ABCA13: variants seen among roughly 807,000 people sequenced by gnomAD.
ABCA13 encodes the protein ATP binding cassette subfamily A member 13, also known as ATP-binding cassette sub-family A member 13.
Under a neutral mutation model 478.7 loss-of-function variants are expected in ABCA13, and 476 were observed. That is an observed-to-expected ratio of 0.99 (90% CI 0.92 to 1.07). ABCA13 has a LOEUF of 1.07. Ranked by LOEUF, ABCA13 falls within the 50% of genes least tolerant of loss-of-function variation. The pLI, the probability that ABCA13 is intolerant of heterozygous loss-of-function variation, is 0.00. For missense variants in ABCA13, 6,060 were observed against 5,910.6 expected, an observed-to-expected ratio of 1.03 and a Z score of -0.83; for synonymous variants, 2,252 against 2,158.9, an observed-to-expected ratio of 1.04 and a Z score of -1.20.
rs189929911 is a variant in ABCA13, at chr7:48,372,210, G to C, written c.10846G>C (p.Ala3616Pro). The C allele has an allele frequency of 6.2e-7, 1 of 1,613,568 alleles. No individual in the cohort carries two copies. ...MGVHPVIHFL[A>P]WFLENMAVLT... ...AGTGCATCCAGTGATCCATTTCCTG[G>C]CCTGGTTCCTGGAGAACATGGCTGT... Residue 3616 changes from alanine to proline, a missense_variant, in exon 33 of 62, where the codon GCC (alanine) becomes CCC (proline). Physicochemically the swap from Ala to Pro is conservative, Grantham distance 27 (BLOSUM62 -1). This residue lies in a region of ABCA13 where 4,423 missense variants were observed against 4,309.1 expected (regional missense o/e 1.03). Coordinates refer to ENST00000435803, the MANE Select transcript of ABCA13 (RefSeq NM_152701.5).
intron 39 of ABCA13, among the ~76,000 whole-genome samples, chr7:48,406,292 T>C (rs993582008): frequency 1.3e-5 from 2 of 152,202 alleles, no homozygotes; most frequent in Non-Finnish European, 2.9e-5. Context: ...GCACTTGCTC[T>C]ACAAATCCCA....
At chr7:48,640,750 G>C (rs943150405) in intron 59 of ABCA13, among the ~76,000 whole-genome samples, 15 of 152,116 alleles carry the variant, frequency 9.9e-5, no homozygotes, top group Non-Finnish European at 1.8e-4. Flanking sequence ...AAAAAGTCAA[G>C]CTAATATTAA....
chr7:48,252,165 A>G (rs2128699368), intron 15 of ABCA13, among the ~76,000 whole-genome samples: 1 of 151,830 alleles, frequency 6.6e-6, no homozygotes, highest in South Asian at 2.1e-4. Context: ...GGTTGGCTTG[A>G]TGGTGTCTCA....
intron 28 of ABCA13, among the ~76,000 whole-genome samples, chr7:48,337,472 T>C (rs933160869): frequency 1.3e-5 from 2 of 152,206 alleles, no homozygotes; most frequent in Non-Finnish European, 2.9e-5. Context: ...GTTAAAACTA[T>C]CACATGTAAT....
At chr7:48,554,022 T>A (rs1785554362) in intron 55 of ABCA13, among the ~76,000 whole-genome samples, 2 of 151,992 alleles carry the variant, frequency 1.3e-5, no homozygotes, top group South Asian at 4.1e-4. Flanking sequence ...AAAATAGGGG[T>A]CTAGTTTCAT....
chr7:48,398,760 T>C (rs1277074373), intron 38 of ABCA13, among the ~76,000 whole-genome samples: 1 of 152,128 alleles, frequency 6.6e-6, no homozygotes, highest in African/African-American at 2.4e-5. Flanking sequence ...ATTTGTTTGA[T>C]AGTAATGAGA....
chr7:48,411,569 A>G (rs1450523948), intron 40 of ABCA13, among the ~76,000 whole-genome samples: 1 of 152,120 alleles, frequency 6.6e-6, no homozygotes, highest in East Asian at 1.9e-4. Context: ...CGGCCTCCCA[A>G]AGTGTTGGGA....
chr7:48,618,367 CAG>C (rs766860944), intron 59 of ABCA13, among the ~76,000 whole-genome samples: 1 of 152,220 alleles, frequency 6.6e-6, no homozygotes, highest in Non-Finnish European at 1.5e-5. Context: ...ATGCTCCTAA[CAG>C]AGCATTAACA....
intron 55 of ABCA13, among the ~76,000 whole-genome samples, chr7:48,551,828 C>A (rs979879086): frequency 6.6e-5 from 10 of 151,750 alleles, no homozygotes; most frequent in Admixed American, 2.0e-4. Context: ...TTCTGAAAGA[C>A]AAGAATGCAC....
intron 59 of ABCA13, among the ~76,000 whole-genome samples, chr7:48,635,519 C>T (rs12532743): frequency 0.25 from 37,424 of 152,044 alleles, 5,135 homozygotes; most frequent in Middle Eastern, 0.37. Context: ...CCAATATTCT[C>T]GGCAATGCTG....
At chr7:48,484,143 C>A (rs1585537373) in intron 47 of ABCA13, among the ~76,000 whole-genome samples, 1 of 152,158 alleles carries the variant, frequency 6.6e-6, no homozygotes, top group Non-Finnish European at 1.5e-5. Context: ...GAGGTTTATT[C>A]AGTGAAATAA....
intron 2 of ABCA13, among the ~76,000 whole-genome samples, chr7:48,194,276 T>C (rs1189985971): frequency 7.0e-6 from 1 of 142,076 alleles, no homozygotes; most frequent in African/African-American, 2.6e-5. Context: ...TTGATGATAA[T>C]GGAGATGATG....
Position 48,412,433 on chromosome 7 carries a change from T to C in ABCA13, c.12309T>C (p.Phe4103=), listed in dbSNP as rs756923645. 5 of 1,613,646 alleles carry C rather than the reference T, an allele frequency of 3.1e-6. 1 individual carries two copies. The highest frequency in any genetic ancestry group is 3.3e-4 in the Middle Eastern group (2 of 6,062). ...TAAAGATCTATATTCCACAAGCATT[T>C]CTCAAAGACAGCAGTGGAAGTGAGC... ...SLIKIYIPQA[F]LKDSSGSELT... The change falls in exon 41 of 62, where the codon TTT becomes TTC. Residue 4103 remains phenylalanine (F), a synonymous_variant. Transcript: ENST00000435803.
At chr7:48,639,236 C>T (rs1794922909) in intron 59 of ABCA13, among the ~76,000 whole-genome samples, 1 of 152,186 alleles carries the variant, frequency 6.6e-6, no homozygotes, top group African/African-American at 2.4e-5. Flanking sequence ...CAAGTGCTCA[C>T]ATAAATGTTT....
intron 3 of ABCA13, among the ~76,000 whole-genome samples, chr7:48,212,827 A>T (rs1785875233): frequency 6.6e-6 from 1 of 152,138 alleles, no homozygotes; most frequent in Non-Finnish European, 1.5e-5. Flanking sequence ...TACTGGTCAC[A>T]AGTCTTTAAT....
intron 1 of ABCA13, among the ~76,000 whole-genome samples, chr7:48,186,653 ACT>A (rs1281447778): frequency 2.0e-5 from 3 of 151,762 alleles, no homozygotes; most frequent in Non-Finnish European, 4.4e-5. Flanking sequence ...CTTGAGGGGC[ACT>A]CTCTCCCTTA....
At chr7:48,546,243 A>G (rs2131161137) in intron 55 of ABCA13, among the ~76,000 whole-genome samples, 1 of 151,972 alleles carries the variant, frequency 6.6e-6, no homozygotes, top group Non-Finnish European at 1.5e-5. Flanking sequence ...AGCAGCCACT[A>G]GCAACATTTC....
intron 55 of ABCA13, among the ~76,000 whole-genome samples, chr7:48,576,636 C>T (rs1034792984): frequency 6.6e-6 from 1 of 152,054 alleles, no homozygotes; most frequent in East Asian, 1.9e-4. Flanking sequence ...TCCTCACCAC[C>T]ACATCAGTGG....
intron 56 of ABCA13, among the ~76,000 whole-genome samples, chr7:48,583,269 G>A (rs1398912517): frequency 2.0e-5 from 3 of 152,146 alleles, no homozygotes; most frequent in Non-Finnish European, 4.4e-5. Flanking sequence ...GCTAGAAGGA[G>A]CTAGAATTTA....
Sources: allele counts gnomAD v4.1 joint callset (sites outside exome capture counted in the v4.1 genomes callset), GRCh38; gene constraint gnomAD v4.1.1; regional missense constraint gnomAD v4.1.1; transcripts MANE v1.5; gene names NCBI Gene and HGNC (gene_info 2026-07-23, HGNC 2026-07-21).